Variants in XRCC4 observed in about 807,000 individuals in gnomAD.
The protein encoded by XRCC4 is DNA repair protein XRCC4.
XRCC4 carries 28 observed loss-of-function variants against 39.1 expected under a neutral mutation model. That is an observed-to-expected ratio of 0.72 (90% CI 0.53 to 0.98). The LOEUF is 0.98. Among genes scored for constraint, XRCC4 ranks in the 50% least tolerant of loss-of-function variants. XRCC4 has a pLI of 0.00. For synonymous variants in XRCC4, 123 were observed against 126.4 expected (o/e 0.97, Z 0.18); for missense variants, 350 against 376.4 (o/e 0.93, Z 0.58).
downstream of XRCC4, among the ~76,000 whole-genome samples, chr5:83,358,666 C>T (rs1450852752): frequency 6.6e-6 from 1 of 152,148 alleles, no homozygotes; most frequent in Non-Finnish European, 1.5e-5. Flanking sequence ...ATAGACCAGT[C>T]TTGAACAACT....
intron 7 of XRCC4, among the ~76,000 whole-genome samples, chr5:83,289,882 G>T (rs2112973914): frequency 6.6e-6 from 1 of 151,470 alleles, no homozygotes; most frequent in East Asian, 1.9e-4. Context: ...GGCAGAATCA[G>T]GAGAAGCTCT....
In XRCC4 at chr5:83,268,639, C is replaced by T. The variant is rs575041174; in HGVS notation, c.893+9962C>T. Among the ~76,000 whole-genome samples, 25 of 152,214 alleles carry T rather than the reference C, an allele frequency of 1.6e-4. 1 individual carries two copies. The South Asian group carries it at 2.5e-3, about 15-fold the overall frequency. ...AACCACAGGAAATATTTCCTCTGGA[C>T]ATGTGTTTTGATTGTGATCTGAAGG... On this transcript the variant is annotated intron_variant, in intron 7 of 7. Transcript: ENST00000396027.
At chr5:83,320,061 C>T (rs1756002496) in intron 7 of XRCC4, among the ~76,000 whole-genome samples, 1 of 149,882 alleles carries the variant, frequency 6.7e-6, no homozygotes, top group Non-Finnish European at 1.5e-5. Context: ...TTTGTAGGGA[C>T]ATGGATGAAA....
At chr5:83,087,852 G>A (rs1745253569) in intron 1 of XRCC4, among the ~76,000 whole-genome samples, 1 of 152,068 alleles carries the variant, frequency 6.6e-6, no homozygotes, top group Non-Finnish European at 1.5e-5. Context: ...TGAAAAGCAT[G>A]TACCTCATTT....
intron 7 of XRCC4, among the ~76,000 whole-genome samples, chr5:83,315,241 G>A (rs1332641677): frequency 6.6e-6 from 1 of 152,094 alleles, no homozygotes; most frequent in African/African-American, 2.4e-5. Flanking sequence ...CATCAATTCT[G>A]TGAAGGCTGA....
At chr5:83,281,516 T>TA (rs1754539057) in intron 7 of XRCC4, among the ~76,000 whole-genome samples, 1 of 151,936 alleles carries the variant, frequency 6.6e-6, no homozygotes, top group African/African-American at 2.4e-5. Context: ...TTTTTTTTTT[T>TA]AATTTTGTAC....
chr5:83,267,298 A>G (rs1753989784), intron 7 of XRCC4, among the ~76,000 whole-genome samples: 1 of 152,182 alleles, frequency 6.6e-6, no homozygotes, highest in Admixed American at 6.5e-5. Flanking sequence ...ACTGAAAGAA[A>G]GAGAGTTCTA....
intron 7 of XRCC4, among the ~76,000 whole-genome samples, chr5:83,294,622 T>C (rs1470163339): frequency 6.6e-6 from 1 of 152,018 alleles, no homozygotes; most frequent in Non-Finnish European, 1.5e-5. Flanking sequence ...CTCAATAGCT[T>C]TTTAGGAATT....
chr5:83,329,485 A>G (rs1756368640), intron 7 of XRCC4, among the ~76,000 whole-genome samples: 1 of 150,790 alleles, frequency 6.6e-6, no homozygotes, highest in Admixed American at 6.7e-5. Flanking sequence ...AAGGAAAAGC[A>G]CAAATAGTTT....
At chr5:83,177,072 C>T in intron 3 of XRCC4, among the ~76,000 whole-genome samples, 1 of 152,108 alleles carries the variant, frequency 6.6e-6, no homozygotes, top group East Asian at 1.9e-4. Flanking sequence ...CAGCAAATTA[C>T]CCCCTTATCA....
chr5:83,290,015 T>C (rs370052462), intron 7 of XRCC4, among the ~76,000 whole-genome samples: 1 of 151,760 alleles, frequency 6.6e-6, no homozygotes, highest in Non-Finnish European at 1.5e-5. Flanking sequence ...CTACATTAAG[T>C]CTCCAGCAGT....
chr5:83,248,446 C>T (rs948296503), intron 6 of XRCC4, among the ~76,000 whole-genome samples: 1 of 152,116 alleles, frequency 6.6e-6, no homozygotes, highest in African/African-American at 2.4e-5. Flanking sequence ...AATTATTAGA[C>T]AGATCTAAGA....
intron 3 of XRCC4, among the ~76,000 whole-genome samples, chr5:83,135,971 T>G (rs1365503188): frequency 6.6e-6 from 1 of 152,216 alleles, no homozygotes; most frequent in African/African-American, 2.4e-5. Context: ...ATCTTTTTAT[T>G]TGGTACAGTA....
intron 3 of XRCC4, among the ~76,000 whole-genome samples, chr5:83,155,970 C>T (rs1748939368): frequency 6.6e-6 from 1 of 152,050 alleles, no homozygotes; most frequent in Non-Finnish European, 1.5e-5. Flanking sequence ...CTCTCACTCT[C>T]AAGCCTGGTA....
At chr5:83,140,541 C>T (rs745895102) in intron 3 of XRCC4, among the ~76,000 whole-genome samples, 21 of 152,242 alleles carry the variant, frequency 1.4e-4, no homozygotes, top group Non-Finnish European at 1.9e-4. Flanking sequence ...AAAGACACAC[C>T]GAGATACAAT....
intron 5 of XRCC4, among the ~76,000 whole-genome samples, chr5:83,204,089 A>C (rs962094669): frequency 2.0e-5 from 3 of 152,178 alleles, no homozygotes; most frequent in Admixed American, 2.0e-4. Flanking sequence ...AGTGGTTAAT[A>C]TTAAATTCCA....
intron 7 of XRCC4, among the ~76,000 whole-genome samples, chr5:83,273,030 T>C (rs113086551): frequency 6.6e-6 from 1 of 152,134 alleles, no homozygotes; most frequent in Non-Finnish European, 1.5e-5. Context: ...TGAACTAATT[T>C]ACACTCCCAC....
At chr5:83,215,744 A>G (rs1415545458) in intron 6 of XRCC4, among the ~76,000 whole-genome samples, 2 of 152,214 alleles carry the variant, frequency 1.3e-5, no homozygotes, top group East Asian at 1.9e-4. Flanking sequence ...CTTTTAGACA[A>G]ACAGTGCTTG....
Position 83,224,183 on chromosome 5 carries a change from G to GT in XRCC4, c.745+19270dup, listed in dbSNP as rs199535729. 2.8e-4 allele frequency among the ~76,000 whole-genome samples: 43 copies of GT among 151,452 alleles called. No homozygotes were observed. The East Asian group carries it at 4.3e-3, about 15-fold the overall frequency. ...GCAATTTTGTTTATTATTTTCTAGT[G>GT]TTTTTTTTGTGGATAATTCGTTCCC... On this transcript the variant is annotated intron_variant, in intron 6 of 7. Coordinates refer to ENST00000396027, the MANE Select transcript of XRCC4 (RefSeq NM_003401.5).
Sources: gnomAD v4.1 joint callset for allele counts (sites outside exome capture counted in the v4.1 genomes callset) on GRCh38, gnomAD v4.1.1 for gene constraint, MANE v1.5 for transcripts, NCBI Gene and HGNC (gene_info 2026-07-23, HGNC 2026-07-21) for gene names.